CACNA1A: variants seen among roughly 807,000 people sequenced by gnomAD.
The protein encoded by CACNA1A is calcium voltage-gated channel subunit alpha1 A.
A neutral mutation model predicts 262.4 loss-of-function variants in CACNA1A; 57 were observed. That is an observed-to-expected ratio of 0.22 (90% CI 0.18 to 0.27). The LOEUF (loss-of-function observed/expected upper bound fraction) is 0.27. Ranked by LOEUF, CACNA1A falls within the 10% of genes least tolerant of loss-of-function variation. CACNA1A has a pLI of 1.00. For missense variants in CACNA1A, 2,526 were observed against 3,562.8 expected (o/e 0.71, Z 7.41); for synonymous variants, 1,431 against 1,419.3 (o/e 1.01, Z -0.18).
chr19:13,277,217 G>A (rs1226646203), intron 22 of CACNA1A, 89 bp from the exon 23 acceptor site: 1 of 881,552 alleles, frequency 1.1e-6, no homozygotes, highest in East Asian at 2.5e-5. Flanking sequence ...CTGGGGAGCA[G>A]AGTTTCTACC....
chr19:13,207,923 C>G lies in CACNA1A; in HGVS notation c.6911G>C (p.Arg2304Pro), dbSNP rs1182529995. The change falls in exon 47 of 47, where the codon CGT becomes CCT. Residue 2304 changes from arginine (R) to proline (P), a missense_variant. By Grantham distance (103) the Arg-to-Pro change is moderately radical (BLOSUM62 -2). Transcript: ENST00000360228. The surrounding 1 kb of genome is among the most constrained non-coding windows in gnomAD (Gnocchi z 5.7). The part of the protein sequence containing the change: ...RPHVSYSPVI[R>P]KAGGSGPPQQ... Reference sequence around the variant, plus strand: ...CGGGGGCCCCGAGCCGCCGGCCTTACGGATCACAGGGGAATAGGACACGTG... The same window carrying G: ...CGGGGGCCCCGAGCCGCCGGCCTTAGGGATCACAGGGGAATAGGACACGTG... 2.8e-6 allele frequency: 4 copies of G among 1,426,312 alleles called. No homozygotes were observed. The highest frequency in any genetic ancestry group is 2.6e-5 in the Admixed American group (1 of 38,756). The allele number at this position is 1,426,312 out of a possible 1,614,324, so 88.4% of individuals were successfully genotyped here.
Position 13,371,540 on chromosome 19 carries a change from G to A in CACNA1A, c.631+148C>T. 3 of 627,170 alleles carry A rather than the reference G, an allele frequency of 4.8e-6. No homozygotes were observed. The East Asian group carries it at 8.3e-5, about 17-fold the overall frequency. 38.9% of individuals were successfully genotyped at this position (627,170 alleles called of 1,614,324 possible). ...GGGGAGCTACAGTCATATTCCTAGG[G>A]GGTTCCCTATAGGGAGTCCCAAAGA... On this transcript the variant is annotated intron_variant, in intron 4 of 46. Coordinates refer to ENST00000360228, the MANE Select transcript of CACNA1A (RefSeq NM_001127222.2).
intron 10 of CACNA1A, 127 bp downstream of exon 10, chr19:13,330,117 G>C (rs1365341391): frequency 6.3e-6 from 4 of 631,202 alleles, no homozygotes; most frequent in Admixed American, 2.5e-5. Context: ...ACACGCACAG[G>C]TGGGAAAGGG....
At chr19:13,416,998 G>A (rs770507277) in intron 3 of CACNA1A, among the ~76,000 whole-genome samples, 5 of 151,980 alleles carry the variant, frequency 3.3e-5, no homozygotes, top group Non-Finnish European at 7.4e-5. Context: ...ATCCAAATAC[G>A]TGCAATTGGT....
In CACNA1A at chr19:13,308,051, G is replaced by A; in HGVS notation, c.1913+69C>T. 6.3e-7 allele frequency: 1 copy of A among 1,588,570 alleles called. No individual in the cohort carries two copies. The highest frequency in any genetic ancestry group is 1.3e-5 in the African/African-American group (1 of 74,566). ...TACGAGGAAGGCAGCCTGCACGGTGGAGGGGACTGTGTGTTCCCTGAGCCT... is the reference window on the plus strand; with the variant it reads ...TACGAGGAAGGCAGCCTGCACGGTGAAGGGGACTGTGTGTTCCCTGAGCCT... On this transcript the variant is annotated intron_variant, in intron 14 of 46. Transcript: ENST00000360228. This position sits in a 1 kb window ranked among gnomAD's most constrained non-coding sequence, Gnocchi z 4.2.
chr19:13,221,217 C>CTTTTCTT (rs145913416), intron 38 of CACNA1A, among the ~76,000 whole-genome samples: 8 of 5,582 alleles, frequency 1.4e-3, no homozygotes, highest in Admixed American at 9.7e-3. Context: ...TTTGTTTTTT[C>CTTTTCTT]TTTTCTTTCT....
intron 19 of CACNA1A, among the ~76,000 whole-genome samples, chr19:13,295,622 G>C (rs1220545058): frequency 6.6e-6 from 1 of 151,626 alleles, no homozygotes; most frequent in Non-Finnish European, 1.5e-5. Context: ...CTTCCAAGTA[G>C]CTAGAACTAC....
chr19:13,398,548 C>T (rs1357730070), intron 3 of CACNA1A, among the ~76,000 whole-genome samples: 1 of 152,162 alleles, frequency 6.6e-6, no homozygotes, highest in Non-Finnish European at 1.5e-5. Flanking sequence ...AATGAGCTAT[C>T]AGCTTCCAAT....
At chr19:13,280,078 CTG>C (rs1291903020) in intron 22 of CACNA1A, among the ~76,000 whole-genome samples, 3 of 152,168 alleles carry the variant, frequency 2.0e-5, no homozygotes, top group African/African-American at 7.2e-5. Context: ...CAAAGGGTCA[CTG>C]TGTTTATTGT....
intron 18 of CACNA1A, 50 bp from the exon 19 acceptor site, chr19:13,299,403 T>C (rs577686504): frequency 3.2e-6 from 5 of 1,545,872 alleles, no homozygotes; most frequent in African/African-American, 2.7e-5. Flanking sequence ...CACTGTAGCT[T>C]GGATGGATGA....
intron 3 of CACNA1A, among the ~76,000 whole-genome samples, chr19:13,384,525 C>T (rs1254384373): frequency 6.6e-6 from 1 of 152,160 alleles, no homozygotes; most frequent in African/African-American, 2.4e-5. Flanking sequence ...TGGCAAAACT[C>T]CGTCTCTACC....
chr19:13,458,674 G>A (rs1464669898), intron 1 of CACNA1A, among the ~76,000 whole-genome samples: 8 of 152,240 alleles, frequency 5.3e-5, no homozygotes, highest in Non-Finnish European at 1.0e-4. Context: ...GGTTTAGGAG[G>A]CCTCCCTCCC....
rs150182204 is a variant in CACNA1A at position 13,422,405 on chromosome 19, CA to C, written c.539+30470del. ...GCCAGATGACGCAGGGTCTCAAAGA[CA>C]CTGCTAAAAGCAATGGGTCACCTTG... is the stretch of plus-strand genomic sequence containing the variant. On this transcript the variant is annotated intron_variant, in intron 3 of 46. Coordinates refer to ENST00000360228, the MANE Select transcript of CACNA1A (RefSeq NM_001127222.2). Among the ~76,000 whole-genome samples, 702 of 152,286 alleles carry C rather than the reference CA, an allele frequency of 4.6e-3. 6 individuals carry two copies. Among genetic ancestry groups the C allele is most frequent in the African/African-American group, 0.015 (643 of 41,552 alleles).
chr19:13,309,830 CACATA>C (rs2057982641), intron 12 of CACNA1A, among the ~76,000 whole-genome samples: 1 of 152,106 alleles, frequency 6.6e-6, no homozygotes, highest in Admixed American at 6.5e-5. Flanking sequence ...AGGTGAAATT[CACATA>C]ACATAAAATT....
In CACNA1A at chr19:13,371,740, C is replaced by T. The variant is rs41276894; in HGVS notation, c.579G>A (p.Thr193=). The T allele has an allele frequency of 0.016, 25,428 of 1,580,304 alleles. 255 individuals carry two copies. Among genetic ancestry groups the T allele is most frequent in the Non-Finnish European group, 0.02 (22,990 of 1,163,280 alleles). The part of the protein sequence containing the change: ...ATVGTEFDLR[T]LRAVRVLRPL... ...GCCGCAGCACTCGAACTGCCCTCAGCGTCCGTAGGTCAAACTCCGTCCCAA... is the reference window on the plus strand; with the variant it reads ...GCCGCAGCACTCGAACTGCCCTCAGTGTCCGTAGGTCAAACTCCGTCCCAA... Residue 193 remains threonine, a synonymous_variant, in exon 4 of 47, where the codon ACG becomes ACA. Coordinates refer to ENST00000360228, the MANE Select transcript of CACNA1A (RefSeq NM_001127222.2).
chr19:13,235,757 C>A (rs749125611), intron 31 of CACNA1A, 27 bp from the exon 32 acceptor site: 1 of 1,512,082 alleles, frequency 6.6e-7, no homozygotes, highest in South Asian at 1.1e-5. Context: ...AGAGGGGTGA[C>A]CATCCACCCA....
chr19:13,463,481 T>C (rs895344538), intron 1 of CACNA1A, among the ~76,000 whole-genome samples: 1 of 152,184 alleles, frequency 6.6e-6, no homozygotes, highest in Non-Finnish European at 1.5e-5. Flanking sequence ...AGGGCAACCC[T>C]AGCGCTGCCC....
At chr19:13,441,456 G>A (rs2060717857) in intron 3 of CACNA1A, among the ~76,000 whole-genome samples, 1 of 151,972 alleles carries the variant, frequency 6.6e-6, no homozygotes, top group Non-Finnish European at 1.5e-5. Context: ...CACCTGAGGG[G>A]AGAAGTTCGA....
intron 3 of CACNA1A, among the ~76,000 whole-genome samples, chr19:13,424,958 C>T (rs1217930390): frequency 6.6e-6 from 1 of 152,002 alleles, no homozygotes; most frequent in Non-Finnish European, 1.5e-5. Context: ...GCACGCACCA[C>T]CACACCCAGC....
Sources: allele counts gnomAD v4.1 joint callset (sites outside exome capture counted in the v4.1 genomes callset), GRCh38; gene constraint gnomAD v4.1.1; non-coding constraint Gnocchi (gnomAD v3.1); transcripts MANE v1.5; gene names NCBI Gene and HGNC (gene_info 2026-07-23, HGNC 2026-07-21).